The following PDSS2 variants were observed in gnomAD, a reference collection of about 807,000 sequenced individuals.
PDSS2 encodes the protein decaprenyl diphosphate synthase subunit 2.
Under a neutral mutation model 44.5 loss-of-function variants are expected in PDSS2, and 31 were observed. The ratio of observed to expected loss-of-function variants is 0.70; its 90% CI spans 0.52 to 0.94. The LOEUF is 0.94. PDSS2 is among the 40% of genes least tolerant of loss of function. The pLI, the probability that PDSS2 is intolerant of heterozygous loss-of-function variation, is 0.00. For synonymous variants in PDSS2, 157 were observed against 180.3 expected, an observed-to-expected ratio of 0.87 and a Z score of 1.03; for missense variants, 452 against 482.2, an observed-to-expected ratio of 0.94 and a Z score of 0.59.
intron 1 of PDSS2, among the ~76,000 whole-genome samples, chr6:107,363,900 G>A (rs1389195102): frequency 2.0e-5 from 3 of 152,118 alleles, no homozygotes; most frequent in East Asian, 1.9e-4. Flanking sequence ...ACACAGTGTC[G>A]ATTGGTGCAC....
intron 3 of PDSS2, among the ~76,000 whole-genome samples, chr6:107,257,470 G>C (rs563172635): frequency 2.0e-5 from 3 of 152,020 alleles, no homozygotes; most frequent in Non-Finnish European, 2.9e-5. Context: ...CTGTGAGTTC[G>C]AGGTTACAGT....
chr6:107,382,249 T>C (rs571891682), intron 1 of PDSS2, among the ~76,000 whole-genome samples: 1 of 152,294 alleles, frequency 6.6e-6, no homozygotes, highest in Admixed American at 6.5e-5. Context: ...AAGCTAATAC[T>C]TTTTTCTTTC....
At chr6:107,155,613 C>T (rs1230696021) in intron 7 of PDSS2, among the ~76,000 whole-genome samples, 1 of 147,478 alleles carries the variant, frequency 6.8e-6, no homozygotes, top group East Asian at 2.0e-4. Context: ...CGGAGTCTCA[C>T]TCTGTTGCCA....
intron 1 of PDSS2, among the ~76,000 whole-genome samples, chr6:107,435,699 TA>T (rs1461295526): frequency 5.3e-5 from 8 of 152,298 alleles, no homozygotes; most frequent in African/African-American, 1.9e-4. Flanking sequence ...CTGTAATTAT[TA>T]AACACTGTCA....
At chr6:107,432,840 C>T (rs1327098072) in intron 1 of PDSS2, among the ~76,000 whole-genome samples, 1 of 152,130 alleles carries the variant, frequency 6.6e-6, no homozygotes, top group Non-Finnish European at 1.5e-5. Flanking sequence ...TAACCATATT[C>T]ACCCTACAAT....
chr6:107,245,507 C>T (rs764529528), intron 4 of PDSS2, 41 bp downstream of exon 4: 93 of 1,056,354 alleles, frequency 8.8e-5, no homozygotes, highest in Non-Finnish European at 1.3e-4. Context: ...TGTACCACGA[C>T]GGTTTATAAC....
chr6:107,412,605 A>T (rs1780540818), intron 1 of PDSS2, among the ~76,000 whole-genome samples: 1 of 151,998 alleles, frequency 6.6e-6, no homozygotes, highest in Non-Finnish European at 1.5e-5. Context: ...CATTTATACA[A>T]CTGTCGGCAA....
At chr6:107,449,233 A>G (rs1366558156) in intron 1 of PDSS2, among the ~76,000 whole-genome samples, 1 of 152,224 alleles carries the variant, frequency 6.6e-6, no homozygotes, top group African/African-American at 2.4e-5. Context: ...AAAATGATAT[A>G]AATGTTATAT....
chr6:107,357,476 C>T (rs1440541479), intron 1 of PDSS2, among the ~76,000 whole-genome samples: 1 of 151,412 alleles, frequency 6.6e-6, no homozygotes, highest in Non-Finnish European at 1.5e-5. Flanking sequence ...AAAAGCTTTC[C>T]TATTAAACTT....
intron 7 of PDSS2, among the ~76,000 whole-genome samples, chr6:107,176,826 G>A (rs1384355784): frequency 6.6e-6 from 1 of 152,014 alleles, no homozygotes; most frequent in Admixed American, 6.6e-5. Context: ...ATGTTTATAT[G>A]GTTTAGAGGT....
intron 7 of PDSS2, 130 bp downstream of exon 7, chr6:107,193,692 C>T (rs1401536465): frequency 1.4e-6 from 1 of 726,272 alleles, no homozygotes; most frequent in African/African-American, 1.7e-5. Context: ...TGCTATTGGC[C>T]TGTTACTTAA....
chr6:107,401,919 C>T (rs184409689), intron 1 of PDSS2, among the ~76,000 whole-genome samples: 1 of 152,198 alleles, frequency 6.6e-6, no homozygotes, highest in Non-Finnish European at 1.5e-5. Flanking sequence ...CCAAGGCAGG[C>T]AAATCACGAG....
intron 1 of PDSS2, among the ~76,000 whole-genome samples, chr6:107,364,565 C>T (rs1468584884): frequency 6.6e-6 from 1 of 152,262 alleles, no homozygotes; most frequent in African/African-American, 2.4e-5. Flanking sequence ...CCCACGCCCA[C>T]CCGGAACTCC....
chr6:107,314,851 G>C (rs903244060), intron 2 of PDSS2, among the ~76,000 whole-genome samples: 2 of 152,208 alleles, frequency 1.3e-5, no homozygotes, highest in Non-Finnish European at 2.9e-5. Context: ...GAAAAGAAAA[G>C]CAATGCCCTG....
chr6:107,371,913 G>C (rs1323597674), intron 1 of PDSS2, among the ~76,000 whole-genome samples: 1 of 152,132 alleles, frequency 6.6e-6, no homozygotes, highest in Non-Finnish European at 1.5e-5. Flanking sequence ...CCCTGAAAGA[G>C]GATATTTTTC....
intron 7 of PDSS2, among the ~76,000 whole-genome samples, chr6:107,160,253 C>CA (rs1209914942): frequency 3.6e-4 from 55 of 152,072 alleles, no homozygotes; most frequent in Admixed American, 2.2e-3. Flanking sequence ...CAAAAAAACA[C>CA]AAAGAACAAG....
chr6:107,163,839 G>A (rs1408543831), intron 7 of PDSS2, among the ~76,000 whole-genome samples: 1 of 152,136 alleles, frequency 6.6e-6, no homozygotes. Flanking sequence ...CTGACCTCAG[G>A]TGATCCGTCC....
chr6:107,242,784 G>A (rs77027700), intron 4 of PDSS2, among the ~76,000 whole-genome samples: 23,697 of 152,008 alleles, frequency 0.16, 2,364 homozygotes, highest in East Asian at 0.25. Flanking sequence ...CTCCTACCTC[G>A]GCCTCCTAAA....
intron 1 of PDSS2, among the ~76,000 whole-genome samples, chr6:107,451,208 C>T (rs319085): frequency 0.78 from 118,036 of 152,126 alleles, 46,118 homozygotes; most frequent in Non-Finnish European, 0.83. Flanking sequence ...ATCAGCAATG[C>T]ATGAGAAATC....
Sources: gnomAD v4.1 joint callset for allele counts (sites outside exome capture counted in the v4.1 genomes callset) on GRCh38, gnomAD v4.1.1 for gene constraint, MANE v1.5 for transcripts, NCBI Gene and HGNC (gene_info 2026-07-23, HGNC 2026-07-21) for gene names.